Variants in TEX26 observed in about 807,000 individuals in gnomAD.
TEX26 encodes the protein testis-expressed protein 26.
Under a neutral mutation model 35.3 loss-of-function variants are expected in TEX26, and 34 were observed. The ratio of observed to expected loss-of-function variants is 0.96; its 90% confidence interval spans 0.73 to 1.28. The LOEUF (loss-of-function observed/expected upper bound fraction) is 1.28, where lower values mean the gene tolerates loss of function less well. Among genes scored for constraint, TEX26 ranks in the 50% most tolerant of loss-of-function variants. The probability of loss-of-function intolerance (pLI) is 0.00; values close to 1 mark genes in which losing one functional copy is unlikely to be tolerated. For missense variants in TEX26, 371 were observed against 330.1 expected (o/e 1.12, Z -0.96); for synonymous variants, 136 against 111.8 (o/e 1.22, Z -1.36).
intron 2 of TEX26, among the ~76,000 whole-genome samples, chr13:30,943,925 G>A (rs552223917): frequency 6.6e-6 from 1 of 151,466 alleles, no homozygotes; most frequent in Admixed American, 6.6e-5. Flanking sequence ...GTTTTCTACA[G>A]ACCAGTATTC....
rs1292783801 is a variant in TEX26 at position 30,946,374 on chromosome 13, G to A, written c.147-6286G>A. 2.0e-5 allele frequency among the ~76,000 whole-genome samples: 3 copies of A among 151,408 alleles called. No homozygotes were observed. The East Asian group carries it at 5.8e-4, about 29-fold the overall frequency. The stretch of plus-strand genomic sequence containing the variant: ...GTTGTTTCTTAATTTCTTTATGTTG[G>A]TTTTCACCTTCTTCCGGTATCTCTC... On this transcript the variant is annotated intron_variant, in intron 2 of 6. Coordinates refer to ENST00000380473, the MANE Select transcript of TEX26 (RefSeq NM_152325.3).
rs1353192687 is a variant in TEX26, at chr13:30,961,010, G to A, written c.469+3981G>A. Among the ~76,000 whole-genome samples the A allele has an allele frequency of 6.6e-5, 10 of 152,294 alleles. No homozygotes were observed. In the East Asian group the frequency reaches 1.9e-3, roughly 29 times the overall value. On this transcript the variant is annotated intron_variant, in intron 4 of 6. Transcript: ENST00000380473. Reference sequence around the variant, plus strand: ...TGGTACTTGACTTAGGTGATTAGAGGATGAGCTATCTTTCTTGGGGGAAAT... The same window carrying A: ...TGGTACTTGACTTAGGTGATTAGAGAATGAGCTATCTTTCTTGGGGGAAAT...
chr13:30,958,559 C>T (rs767777131), intron 4 of TEX26, among the ~76,000 whole-genome samples: 6 of 152,074 alleles, frequency 3.9e-5, no homozygotes, highest in African/African-American at 9.7e-5. Context: ...CCTGTTCACC[C>T]GAGGACAGGA....
Position 30,968,939 on chromosome 13 carries a change from C to T in TEX26, c.701C>T (p.Thr234Ile). The part of the protein sequence containing the change: ...LRNQEHTKKQ[T>I]TYQSDYDKTY... ...AACCAAGAGCACACAAAGAAACAGACCACATACCAAAGTGACTACGACAAA... is the reference window on the plus strand; with the variant it reads ...AACCAAGAGCACACAAAGAAACAGATCACATACCAAAGTGACTACGACAAA... The change falls in exon 6 of 7, where the codon ACC (threonine) becomes ATC (isoleucine). Residue 234 changes from threonine (T) to isoleucine (I), a missense_variant. Physicochemically the swap from Thr to Ile is moderately conservative, Grantham distance 89. Coordinates refer to ENST00000380473, the MANE Select transcript of TEX26 (RefSeq NM_152325.3). 1 of 1,614,068 alleles carries T rather than the reference C, an allele frequency of 6.2e-7. No homozygotes were observed. The highest frequency in any genetic ancestry group is 8.5e-7 in the Non-Finnish European group (1 of 1,179,968).
At chr13:30,936,789 A>G (rs769105782) in intron 1 of TEX26, 23 of 985,438 alleles carry the variant, frequency 2.3e-5, no homozygotes, top group Non-Finnish European at 2.4e-5. Context: ...AATCACAGGA[A>G]AGATGGATAT....
At chr13:30,942,385 T>A (rs1953546172) in intron 2 of TEX26, among the ~76,000 whole-genome samples, 1 of 152,130 alleles carries the variant, frequency 6.6e-6, no homozygotes, top group Non-Finnish European at 1.5e-5. Flanking sequence ...TCTTGGTGAT[T>A]TCTTTGAGTT....
intron 2 of TEX26, among the ~76,000 whole-genome samples, chr13:30,944,721 A>G (rs1377007608): frequency 6.6e-6 from 1 of 151,864 alleles, no homozygotes; most frequent in Non-Finnish European, 1.5e-5. Flanking sequence ...GCAGGAGCAG[A>G]TTGTTTAATT....
chr13:30,969,964 G>A (rs1593613125), intron 6 of TEX26, among the ~76,000 whole-genome samples: 1 of 152,054 alleles, frequency 6.6e-6, no homozygotes, highest in African/African-American at 2.4e-5. Flanking sequence ...ATGAGGTTGG[G>A]ACTTCCACTG....
chr13:30,932,955 C>T, intron 1 of TEX26, 179 bp downstream of exon 1: 4 of 600,954 alleles, frequency 6.7e-6, no homozygotes, highest in Non-Finnish European at 8.4e-6. Context: ...GACGCTGCCC[C>T]TTTTCAGTCC....
rs112572156 is a variant in TEX26, at chr13:30,972,272, C to T, written c.809-2574C>T. 4.0e-3 allele frequency among the ~76,000 whole-genome samples: 615 copies of T among 152,210 alleles called. 6 individuals are homozygous for T. Among genetic ancestry groups the T allele is most frequent in the African/African-American group, 0.014 (582 of 41,526 alleles). On this transcript the variant is annotated intron_variant, in intron 6 of 6. Transcript: ENST00000380473. ...AGAAGCAACAGTGTAAACAAAATCACGAGGAAATGAATTTGCATTTATACA... is the reference window on the plus strand; with the variant it reads ...AGAAGCAACAGTGTAAACAAAATCATGAGGAAATGAATTTGCATTTATACA...
Position 30,956,261 on chromosome 13 carries a change from C to A in TEX26, c.313-612C>A, listed in dbSNP as rs1343687229. 2.7e-5 allele frequency among the ~76,000 whole-genome samples: 4 copies of A among 145,856 alleles called. No individual in the cohort carries two copies. In the East Asian group the frequency reaches 8.2e-4, roughly 30 times the overall value. On this transcript the variant is annotated intron_variant, in intron 3 of 6. Transcript: ENST00000380473. Reference sequence around the variant, plus strand: ...ATTCCCACCTATGAGTGAGAACATGCGGTGTTTGGTTTTTTGTCCTTGCAA... The same window carrying A: ...ATTCCCACCTATGAGTGAGAACATGAGGTGTTTGGTTTTTTGTCCTTGCAA...
Position 30,969,059 on chromosome 13 carries a change from C to G in TEX26, c.808+13C>G. ...CTTTCCTACAAAGGTAAGATGAGGT[C>G]TTATTTCACACACTTACAGATCACA... On this transcript the variant is annotated intron_variant, in intron 6 of 6. Transcript: ENST00000380473. 6.2e-7 allele frequency: 1 copy of G among 1,607,364 alleles called. No individual in the cohort carries two copies. Among genetic ancestry groups the G allele is most frequent in the Non-Finnish European group, 8.5e-7 (1 of 1,176,580 alleles).
chr13:30,934,626 A>G (rs1953199282), intron 1 of TEX26, among the ~76,000 whole-genome samples: 1 of 152,092 alleles, frequency 6.6e-6, no homozygotes, highest in Non-Finnish European at 1.5e-5. Context: ...ACTGCTAGTG[A>G]TGGCAGTGGC....
Position 30,952,764 on chromosome 13 carries a change from A to G in TEX26, c.251A>G (p.Glu84Gly). 1 of 1,613,150 alleles carries G rather than the reference A, an allele frequency of 6.2e-7. No homozygotes were observed. The highest frequency in any genetic ancestry group is 8.5e-7 in the Non-Finnish European group (1 of 1,179,560). ...DEYTWKSHSK[E>G]DLIKTETSRG... ...TACACTTGGAAATCACACTCTAAAGAAGATTTGATCAAAACTGAGACTTCA... is the reference window on the plus strand; with the variant it reads ...TACACTTGGAAATCACACTCTAAAGGAGATTTGATCAAAACTGAGACTTCA... Residue 84 changes from glutamate (E) to glycine (G), a missense_variant, in exon 3 of 7, where the codon GAA becomes GGA. Glu to Gly is a moderately conservative substitution (Grantham distance 98). Transcript: ENST00000380473.
rs151321640 is a variant in TEX26, at chr13:30,960,111, C to T, written c.469+3082C>T. On this transcript the variant is annotated intron_variant, in intron 4 of 6. Coordinates refer to ENST00000380473, the MANE Select transcript of TEX26 (RefSeq NM_152325.3). ...GACAAGAATATACTTTCAAAAGTTC[C>T]TCCAACACACCCTTTCTTAGGAAGC... Among the ~76,000 whole-genome samples, 378 of 152,322 alleles carry T rather than the reference C, an allele frequency of 2.5e-3. 1 individual carries two copies. The highest frequency in any genetic ancestry group is 8.8e-3 in the African/African-American group (366 of 41,580).
chr13:30,942,253 T>C (rs897074079), intron 2 of TEX26, among the ~76,000 whole-genome samples: 27 of 152,162 alleles, frequency 1.8e-4, no homozygotes, highest in African/African-American at 6.5e-4. Context: ...CAGTTTTCAT[T>C]TGTATTTCCC....
intron 6 of TEX26, among the ~76,000 whole-genome samples, chr13:30,973,918 G>T (rs1366605242): frequency 6.6e-6 from 1 of 151,734 alleles, no homozygotes; most frequent in East Asian, 1.9e-4. Context: ...GGGAAGCCGA[G>T]GCGGGTGGAT....
chr13:30,974,131 A>AAAAAATATAT lies in TEX26; in HGVS notation c.809-714_809-713insAAAATATATA. Among the ~76,000 whole-genome samples the AAAAAATATAT allele has an allele frequency of 5.4e-3, 457 of 84,380 alleles. 3 individuals are homozygous for AAAAAATATAT. The highest frequency in any genetic ancestry group is 6.6e-3 in the Non-Finnish European group (293 of 44,690). The allele number at this position is 84,380 out of a possible 152,430, so 55.4% of individuals were successfully genotyped here. A position where few individuals can be genotyped will look rare whatever the true frequency, so the allele number is the denominator to read the frequency against. On this transcript the variant is annotated intron_variant, in intron 6 of 6. Transcript: ENST00000380473. ...GTGAGCCTCCATCTAAAAAAAAAAAAATATATATATATATATATATATATA... is the reference window on the plus strand; with the variant it reads ...GTGAGCCTCCATCTAAAAAAAAAAAAAAAAATATATATATATATATATATATATATATATA...
At chr13:30,973,693 A>G (rs1954784345) in intron 6 of TEX26, among the ~76,000 whole-genome samples, 1 of 152,160 alleles carries the variant, frequency 6.6e-6, no homozygotes, top group East Asian at 1.9e-4. Flanking sequence ...TCCCTGATCT[A>G]TGGGCCTCCA....
Sources: allele counts gnomAD v4.1 joint callset (sites outside exome capture counted in the v4.1 genomes callset), GRCh38; gene constraint gnomAD v4.1.1; transcripts MANE v1.5; gene names NCBI Gene and HGNC (gene_info 2026-07-23, HGNC 2026-07-21).